Variants in DSCAM observed in about 807,000 individuals in gnomAD.
DSCAM encodes cell adhesion molecule DSCAM.
In DSCAM, 47 loss-of-function variants were observed where a neutral mutation model predicts 217.7. That is an observed-to-expected ratio of 0.22 (90% CI 0.17 to 0.28). The LOEUF is 0.28. Among genes scored for constraint, DSCAM ranks in the 10% least tolerant of loss-of-function variants. The probability of loss-of-function intolerance (pLI) is 1.00; values close to 1 mark genes in which losing one functional copy is unlikely to be tolerated. For synonymous variants in DSCAM, 1,056 were observed against 1,015.3 expected (o/e 1.04, Z -0.76); for missense variants, 2,080 against 2,618.3 (o/e 0.79, Z 4.49).
chr21:40,036,258 TAGAC>T (rs1227816136), intron 32 of DSCAM, among the ~76,000 whole-genome samples: 4 of 148,994 alleles, frequency 2.7e-5, no homozygotes, highest in Non-Finnish European at 4.4e-5. Context: ...ACAAAATAGA[TAGAC>T]TGCTAGCAAG....
intron 1 of DSCAM, among the ~76,000 whole-genome samples, chr21:40,756,717 G>T (rs1422442298): frequency 6.6e-6 from 1 of 152,018 alleles, no homozygotes; most frequent in Non-Finnish European, 1.5e-5. Context: ...GGCAATGCAA[G>T]AATAGACAAA....
chr21:40,184,199 G>A (rs894705997), intron 14 of DSCAM, among the ~76,000 whole-genome samples: 1 of 152,190 alleles, frequency 6.6e-6, no homozygotes, highest in Non-Finnish European at 1.5e-5. Context: ...TATGTACTCA[G>A]TCTAAAACTA....
At chr21:40,134,454 GTTATT>G (rs774774897) in intron 18 of DSCAM, among the ~76,000 whole-genome samples, 7 of 152,138 alleles carry the variant, frequency 4.6e-5, no homozygotes, top group Non-Finnish European at 1.0e-4. Flanking sequence ...GGGTTTTATT[GTTATT>G]TTAAACAAGC....
At chr21:40,221,431 GATT>G (rs1194156006) in intron 11 of DSCAM, among the ~76,000 whole-genome samples, 2 of 147,054 alleles carry the variant, frequency 1.4e-5, no homozygotes, top group East Asian at 1.9e-4. Context: ...TACGTAATAG[GATT>G]ATTATATAAA....
At chr21:40,249,928 A>C (rs922268857) in intron 11 of DSCAM, among the ~76,000 whole-genome samples, 5 of 152,224 alleles carry the variant, frequency 3.3e-5, no homozygotes, top group Non-Finnish European at 7.3e-5. Flanking sequence ...TCCTGGCACT[A>C]TTCCAAGTGG....
At chr21:40,692,372 G>A (rs1351517847) in intron 3 of DSCAM, among the ~76,000 whole-genome samples, 1 of 152,146 alleles carries the variant, frequency 6.6e-6, no homozygotes, top group East Asian at 1.9e-4. Flanking sequence ...ATAGGTCAGA[G>A]ATACAACATA....
At chr21:40,056,992 A>G (rs536240647) in intron 28 of DSCAM, among the ~76,000 whole-genome samples, 1 of 152,310 alleles carries the variant, frequency 6.6e-6, no homozygotes, top group East Asian at 1.9e-4. Context: ...ACAGAACTTT[A>G]ATTATCCCAA....
chr21:40,503,212 C>T (rs1215478677), intron 3 of DSCAM, among the ~76,000 whole-genome samples: 1 of 152,162 alleles, frequency 6.6e-6, no homozygotes, highest in Non-Finnish European at 1.5e-5. Flanking sequence ...GGTTGCAGGG[C>T]TAAATTCAAA....
chr21:40,334,504 C>T (rs559834153), intron 8 of DSCAM, among the ~76,000 whole-genome samples: 2 of 152,192 alleles, frequency 1.3e-5, no homozygotes, highest in Admixed American at 6.5e-5. Context: ...CTGTCTTCTA[C>T]CCCCAACCTC....
At chr21:40,111,378 C>G (rs553929228) in intron 20 of DSCAM, among the ~76,000 whole-genome samples, 193 of 151,980 alleles carry the variant, frequency 1.3e-3, no homozygotes, top group African/African-American at 4.1e-3. Flanking sequence ...GAGATTTTGT[C>G]ACCACCAGGC....
At chr21:40,540,753 C>A (rs7280486) in intron 3 of DSCAM, among the ~76,000 whole-genome samples, 11,846 of 152,224 alleles carry the variant, frequency 0.078, 536 homozygotes, top group Middle Eastern at 0.16. Flanking sequence ...TCTGTGCAAC[C>A]CTGATCCCTC....
intron 3 of DSCAM, among the ~76,000 whole-genome samples, chr21:40,620,205 G>A (rs1466977115): frequency 8.4e-6 from 1 of 119,084 alleles, no homozygotes; most frequent in African/African-American, 3.3e-5. Context: ...GAAAGAAAGA[G>A]AGAAAGAGAG....
intron 2 of DSCAM, among the ~76,000 whole-genome samples, chr21:40,695,969 G>A (rs1329748174): frequency 2.0e-5 from 3 of 152,058 alleles, no homozygotes; most frequent in African/African-American, 7.2e-5. Flanking sequence ...TGAGTTTCCT[G>A]AGCCCATAGT....
intron 11 of DSCAM, among the ~76,000 whole-genome samples, chr21:40,241,098 ACT>A (rs1369103127): frequency 6.6e-6 from 1 of 152,174 alleles, no homozygotes; most frequent in Non-Finnish European, 1.5e-5. Context: ...CATGACAAAG[ACT>A]CTAAAAGCAA....
At chr21:40,433,490 A>G (rs2075555517) in intron 3 of DSCAM, among the ~76,000 whole-genome samples, 1 of 152,078 alleles carries the variant, frequency 6.6e-6, no homozygotes, top group South Asian at 2.1e-4. Context: ...ACGGGACTGC[A>G]TTTTTCTTTG....
At chr21:40,546,492 C>T (rs1258242056) in intron 3 of DSCAM, among the ~76,000 whole-genome samples, 1 of 152,196 alleles carries the variant, frequency 6.6e-6, no homozygotes, top group Non-Finnish European at 1.5e-5. Flanking sequence ...TTCTCTGAGC[C>T]ACCTCAGTTT....
At chr21:40,542,659 C>T (rs2076551097) in intron 3 of DSCAM, among the ~76,000 whole-genome samples, 1 of 152,220 alleles carries the variant, frequency 6.6e-6, no homozygotes, top group African/African-American at 2.4e-5. Context: ...GATCTGCTGA[C>T]AACCTGATCT....
intron 3 of DSCAM, among the ~76,000 whole-genome samples, chr21:40,530,972 T>C (rs989199610): frequency 6.6e-6 from 1 of 151,540 alleles, no homozygotes; most frequent in Non-Finnish European, 1.5e-5. Context: ...CAACCATCCA[T>C]TCAGGCTTCC....
intron 3 of DSCAM, among the ~76,000 whole-genome samples, chr21:40,515,530 G>T (rs7278886): frequency 0.017 from 2,609 of 152,208 alleles, 59 homozygotes; most frequent in African/African-American, 0.04. Context: ...CCACGGAACG[G>T]TGATCAATTT....
Sources: gnomAD v4.1 joint callset for allele counts (sites outside exome capture counted in the v4.1 genomes callset) on GRCh38, gnomAD v4.1.1 for gene constraint, MANE v1.5 for transcripts, NCBI Gene and HGNC (gene_info 2026-07-23, HGNC 2026-07-21) for gene names.